CTBP1: variants seen among roughly 807,000 people sequenced by gnomAD.
CTBP1 encodes the protein C-terminal binding protein 1.
CTBP1 carries 11 observed loss-of-function variants against 42.1 expected under a neutral mutation model. The ratio of observed to expected loss-of-function variants is 0.26; its 90% CI spans 0.16 to 0.43. The LOEUF is 0.43. CTBP1 is among the 20% of genes least tolerant of loss of function. The probability of loss-of-function intolerance (pLI) is 1.00; values close to 1 mark genes in which losing one functional copy is unlikely to be tolerated. For missense variants in CTBP1, 399 were observed against 624.3 expected, an observed-to-expected ratio of 0.64 and a Z score of 3.85; for synonymous variants, 324 against 277.1, an observed-to-expected ratio of 1.17 and a Z score of -1.68.
chr4:1,219,704 G>T (rs1404178386), intron 5 of CTBP1, among the ~76,000 whole-genome samples: 1 of 152,240 alleles, frequency 6.6e-6, no homozygotes, highest in Admixed American at 6.5e-5. Flanking sequence ...AAATTCAAGA[G>T]AATCTGTTTT....
intron 1 of CTBP1, chr4:1,244,939 T>C (rs1732562433): frequency 1.0e-6 from 1 of 985,316 alleles, no homozygotes; most frequent in African/African-American, 1.7e-5. Flanking sequence ...TACAGCCACC[T>C]GCCGCCCAGA....
At chr4:1,213,882 G>A (rs551436259) in intron 7 of CTBP1, 35 of 466,642 alleles carry the variant, frequency 7.5e-5, no homozygotes, top group Admixed American at 1.2e-4. Flanking sequence ...ATGCTGCCTG[G>A]CCCCTTCCAG....
rs932997024 is a variant in CTBP1 at position 1,211,601 on chromosome 4, C to T, written c.*639G>A. On this transcript the variant is annotated 3_prime_UTR_variant, in exon 10 of 10. Coordinates refer to ENST00000382952, the MANE Select transcript of CTBP1 (RefSeq NM_001012614.2). ...CCACCCTCCACGTCCCCAGGACAGA[C>T]GTCGATGGGCAGCGGGCACGCTGGG... 6.6e-6 allele frequency: 1 copy of T among 152,422 alleles called. No individual in the cohort carries two copies. Among genetic ancestry groups the T allele is most frequent in the Admixed American group, 6.5e-5 (1 of 15,284 alleles). 9.4% of individuals were successfully genotyped at this position (152,422 alleles called of 1,614,324 possible). A position where few individuals can be genotyped will look rare whatever the true frequency, so the allele number is the denominator to read the frequency against.
At chr4:1,230,069 C>T (rs913538972) in intron 3 of CTBP1, among the ~76,000 whole-genome samples, 10 of 152,234 alleles carry the variant, frequency 6.6e-5, no homozygotes, top group Admixed American at 6.5e-4. Flanking sequence ...GATGGCTGCC[C>T]CGGGCCTCCT....
rs1233366932 is a variant in CTBP1 at position 1,213,534 on chromosome 4, T to A, written c.932A>T (p.Gln311Leu). 1 of 1,613,024 alleles carries A rather than the reference T, an allele frequency of 6.2e-7. No homozygotes were observed. Reference protein sequence around the residue: ...CTPHAAWYSEQASIEMREEAA... With the variant: ...CTPHAAWYSELASIEMREEAA... ...CTCCTCTCGCATCTCGATGGATGCCTGCTCGCTGTACCATGCAGCATGGGG... is the reference window on the plus strand; with the variant it reads ...CTCCTCTCGCATCTCGATGGATGCCAGCTCGCTGTACCATGCAGCATGGGG... Residue 311 changes from glutamine (Q) to leucine (L), a missense_variant, in exon 8 of 10, where the codon CAG (glutamine) becomes CTG (leucine). Physicochemically the swap from Gln to Leu is moderately radical, Grantham distance 113 (BLOSUM62 -2). Coordinates refer to ENST00000382952, the MANE Select transcript of CTBP1 (RefSeq NM_001012614.2).
chr4:1,244,419 CT>C (rs1426799649), intron 1 of CTBP1: 4 of 985,054 alleles, frequency 4.1e-6, no homozygotes, highest in Admixed American at 6.2e-5. Flanking sequence ...GCAGCTACCC[CT>C]GTTCCTTCCC....
At chr4:1,212,506 C>A (rs951255344) in intron 9 of CTBP1, 83 bp from the exon 10 acceptor site, 2 of 1,212,900 alleles carry the variant, frequency 1.6e-6, no homozygotes, top group South Asian at 1.7e-5. Flanking sequence ...TCGGCAGCAC[C>A]GAGGGGGCCT....
At chr4:1,245,150 A>AT in intron 1 of CTBP1, 1 of 985,416 alleles carries the variant, frequency 1.0e-6, no homozygotes, top group Non-Finnish European at 1.2e-6. Context: ...CCACGAGCCG[A>AT]TACGGCACCT....
intron 5 of CTBP1, 54 bp from the exon 6 acceptor site, chr4:1,216,259 C>T (rs557479089): frequency 2.0e-5 from 31 of 1,536,360 alleles, no homozygotes; most frequent in East Asian, 1.9e-4. Context: ...GCCGGGAGGC[C>T]GGCCCCGAAA....
At position 1,213,761 on chromosome 4, in the gene CTBP1, G is replaced by A. The variant is rs985162329; in HGVS notation, c.861-156C>T. 6.2e-6 allele frequency: 6 copies of A among 965,892 alleles called. No homozygotes were observed. The African/African-American group carries it at 1.0e-4, about 16-fold the overall frequency. 59.8% of individuals were successfully genotyped at this position (965,892 alleles called of 1,614,324 possible). A position where few individuals can be genotyped will look rare whatever the true frequency, so the allele number is the denominator to read the frequency against. On this transcript the variant is annotated intron_variant, in intron 7 of 9. Transcript: ENST00000382952. Reference sequence around the variant, plus strand: ...CTCGGCAGGCTGGCTGAGCTCAAGAGCACAGCCCCGGGACCATCAGACACA... The same window carrying A: ...CTCGGCAGGCTGGCTGAGCTCAAGAACACAGCCCCGGGACCATCAGACACA...
chr4:1,247,995 T>G (rs1320164415), intron 1 of CTBP1, among the ~76,000 whole-genome samples: 2 of 152,190 alleles, frequency 1.3e-5, no homozygotes, highest in African/African-American at 4.8e-5. Flanking sequence ...ACCGGCGCCC[T>G]TGGAGGCCGC....
intron 3 of CTBP1, 35 bp from the exon 4 acceptor site, chr4:1,228,378 C>T (rs1730606619): frequency 6.2e-7 from 1 of 1,601,812 alleles, no homozygotes; most frequent in East Asian, 2.2e-5. Context: ...CAGCCCGGAA[C>T]CTGAAGACCC....
At chr4:1,229,434 G>A (rs1459077359) in intron 3 of CTBP1, among the ~76,000 whole-genome samples, 4 of 152,360 alleles carry the variant, frequency 2.6e-5, no homozygotes, top group African/African-American at 9.6e-5. Flanking sequence ...GCATGTCCGA[G>A]TCCCCGGAGA....
At chr4:1,221,554 C>A (rs1729736246) in intron 5 of CTBP1, 1 of 168,872 alleles carries the variant, frequency 5.9e-6, no homozygotes, top group Non-Finnish European at 1.3e-5. Flanking sequence ...CGTGATGGAA[C>A]CGTTATCAGA....
chr4:1,237,871 G>T (rs1321037409), intron 3 of CTBP1: 2 of 699,936 alleles, frequency 2.9e-6, no homozygotes, highest in South Asian at 1.5e-5. Context: ...TCCTGATGGG[G>T]CACAGGGCAA....
chr4:1,246,714 G>C (rs1026578566), intron 1 of CTBP1, among the ~76,000 whole-genome samples: 4 of 152,210 alleles, frequency 2.6e-5, no homozygotes, highest in African/African-American at 9.7e-5. Context: ...CAGAAAAACT[G>C]CCAGGCTGGT....
chr4:1,229,770 T>A (rs1456636998), intron 3 of CTBP1, among the ~76,000 whole-genome samples: 1 of 152,138 alleles, frequency 6.6e-6, no homozygotes, highest in African/African-American at 2.4e-5. Context: ...TCTCCTACAG[T>A]GCCCGGACCT....
intron 5 of CTBP1, among the ~76,000 whole-genome samples, chr4:1,223,010 C>A (rs180715791): frequency 6.6e-6 from 1 of 152,280 alleles, no homozygotes; most frequent in Admixed American, 6.5e-5. Flanking sequence ...CAGGCGGTGA[C>A]CTGCAGGCAA....
At chr4:1,229,527 C>T (rs1022831406) in intron 3 of CTBP1, among the ~76,000 whole-genome samples, 5 of 152,220 alleles carry the variant, frequency 3.3e-5, no homozygotes, top group Non-Finnish European at 5.9e-5. Flanking sequence ...GGATCAATGG[C>T]GCAGGCTCAG....
Sources: allele counts gnomAD v4.1 joint callset (sites outside exome capture counted in the v4.1 genomes callset), GRCh38; gene constraint gnomAD v4.1.1; transcripts MANE v1.5; gene names NCBI Gene and HGNC (gene_info 2026-07-23, HGNC 2026-07-21).